Variants in ZSCAN30 observed in about 807,000 individuals in gnomAD.
ZSCAN30 encodes the protein zinc finger and SCAN domain-containing protein 30.
A neutral mutation model predicts 44.3 loss-of-function variants in ZSCAN30; 37 were observed. The ratio of observed to expected loss-of-function variants is 0.84; its 90% CI spans 0.64 to 1.10. ZSCAN30 has a LOEUF of 1.10. Among genes scored for constraint, ZSCAN30 ranks in the 50% least tolerant of loss-of-function variants. The pLI is 0.00. For missense variants in ZSCAN30, 549 were observed against 582.6 expected, an observed-to-expected ratio of 0.94 and a Z score of 0.59; for synonymous variants, 181 against 204.6, an observed-to-expected ratio of 0.88 and a Z score of 0.98.
rs941121247 is a variant in ZSCAN30 at position 35,253,456 on chromosome 18, T to A, written c.1479A>T (p.Arg493Ser). ...ACAACTCTTACCCACAGAGTTAAAC[T>A]CTGGTGTGTGTTCTCTGATGCTGCA... ...GLMQHQRTHTRV is the reference protein window; with the variant it reads ...GLMQHQRTHTSV The change falls in exon 4 of 4, where the codon AGA becomes AGT. Residue 493 changes from arginine (R) to serine (S), a missense_variant. Physicochemically the swap from Arg to Ser is moderately radical, Grantham distance 110. Transcript: ENST00000333206. 6.4e-7 allele frequency: 1 copy of A among 1,569,926 alleles called. No homozygotes were observed. The highest frequency in any genetic ancestry group is 8.7e-7 in the Non-Finnish European group (1 of 1,155,970).
rs995976962 is a variant in ZSCAN30, at chr18:35,251,214, A to G, written c.*2236T>C. Reference sequence around the variant, plus strand: ...GATTGGGAAAAATAAACACTAATAGAAAGTACTCCAAAATGTTAACAACGT... The same window carrying G: ...GATTGGGAAAAATAAACACTAATAGGAAGTACTCCAAAATGTTAACAACGT... On this transcript the variant is annotated 3_prime_UTR_variant, in exon 4 of 4. Transcript: ENST00000333206. 1.2e-4 allele frequency: 18 copies of G among 152,324 alleles called. No individual in the cohort carries two copies. Among genetic ancestry groups the G allele is most frequent in the Non-Finnish European group, 1.5e-4 (10 of 68,026 alleles). 9.4% of individuals were successfully genotyped at this position (152,324 alleles called of 1,614,324 possible). A position where few individuals can be genotyped will look rare whatever the true frequency, so the allele number is the denominator to read the frequency against.
chr18:35,286,195 C>T (rs2044546856), intron 1 of ZSCAN30, among the ~76,000 whole-genome samples: 1 of 151,986 alleles, frequency 6.6e-6, no homozygotes. Flanking sequence ...AATTTAAAAC[C>T]TTCCCACAAA....
Position 35,289,012 on chromosome 18 carries a change from G to A in ZSCAN30, c.-104+1072C>T, listed in dbSNP as rs150335121. ...AGACAAAGTCTCGCTTTGTCACCCA[G>A]GCTGGAGTGCAGTGGCGCAATCTCG... On this transcript the variant is annotated intron_variant, in intron 1 of 3. Coordinates refer to ENST00000333206, the MANE Select transcript of ZSCAN30 (RefSeq NM_001112734.4). Among the ~76,000 whole-genome samples the A allele has an allele frequency of 2.6e-3, 396 of 152,236 alleles. 2 individuals are homozygous for A. The highest frequency in any genetic ancestry group is 9.3e-3 in the African/African-American group (386 of 41,514).
chr18:35,271,119 T>C (rs2044264191), intron 1 of ZSCAN30, among the ~76,000 whole-genome samples: 1 of 152,158 alleles, frequency 6.6e-6, no homozygotes, highest in Non-Finnish European at 1.5e-5. Flanking sequence ...AGCAGCAAGA[T>C]TTATTGCAAA....
chr18:35,257,657 A>C (rs1245818060), intron 3 of ZSCAN30: 2 of 492,432 alleles, frequency 4.1e-6, no homozygotes, highest in East Asian at 6.8e-5. Context: ...TTGTTATAGC[A>C]GTCCTAACCG....
intron 3 of ZSCAN30, chr18:35,257,624 C>T: frequency 2.6e-6 from 1 of 392,104 alleles, no homozygotes; most frequent in Non-Finnish European, 4.6e-6. Flanking sequence ...GTGTTGTTTA[C>T]AAGCCACTCA....
intron 1 of ZSCAN30, chr18:35,281,181 T>G (rs1159603051): frequency 2.0e-5 from 3 of 152,208 alleles, no homozygotes; most frequent in Non-Finnish European, 4.4e-5. Context: ...GGTAGAATAT[T>G]GGTGGTGGCC....
At chr18:35,272,977 C>A (rs758308626) in intron 1 of ZSCAN30, among the ~76,000 whole-genome samples, 1 of 152,314 alleles carries the variant, frequency 6.6e-6, no homozygotes, top group Non-Finnish European at 1.5e-5. Context: ...AGGGAAACCA[C>A]CCCCATGATT....
chr18:35,254,334 C>T lies in ZSCAN30; in HGVS notation c.601G>A (p.Val201Ile). 6.2e-7 allele frequency: 1 copy of T among 1,613,920 alleles called. No individual in the cohort carries two copies. Among genetic ancestry groups the T allele is most frequent in the Non-Finnish European group, 8.5e-7 (1 of 1,179,772 alleles). The change falls in exon 4 of 4, where the codon GTT (valine) becomes ATT (isoleucine). Residue 201 changes from valine to isoleucine, a missense_variant. Transcript: ENST00000333206. ...ATAGCTGCTGAGGCTACACATTCAA[C>T]AATTTCTTGCTTTGCCATCAACACT... The part of the protein sequence containing the change: ...GKVLMAKQEI[V>I]ECVASAAMIS...
In ZSCAN30 at chr18:35,251,403, T is replaced by G. The variant is rs764470439; in HGVS notation, c.*2047A>C. The stretch of plus-strand genomic sequence containing the variant: ...GGCAACTCACTATCCATTTGAAAGA[T>G]CCCTTTAGACTTCTGATCGACCTCA... On this transcript the variant is annotated 3_prime_UTR_variant, in exon 4 of 4. Transcript: ENST00000333206. The G allele has an allele frequency of 1.3e-5, 2 of 152,160 alleles. No homozygotes were observed. Among genetic ancestry groups the G allele is most frequent in the Non-Finnish European group, 2.9e-5 (2 of 68,034 alleles). 9.4% of individuals were successfully genotyped at this position (152,160 alleles called of 1,614,324 possible).
At chr18:35,267,319 G>A (rs1319199358) in intron 1 of ZSCAN30, among the ~76,000 whole-genome samples, 1 of 152,220 alleles carries the variant, frequency 6.6e-6, no homozygotes, top group East Asian at 1.9e-4. Flanking sequence ...GGAAATGGAT[G>A]GCGGGACTGA....
chr18:35,254,152 G>A lies in ZSCAN30; in HGVS notation c.783C>T (p.Thr261=), dbSNP rs369803889. 9.9e-5 allele frequency: 160 copies of A among 1,614,136 alleles called. No individual in the cohort carries two copies. In the African/African-American group the frequency reaches 2.0e-3, roughly 20 times the overall value. The change falls in exon 4 of 4, where the codon ACC becomes ACT. Residue 261 remains threonine (T), a synonymous_variant. Coordinates refer to ENST00000333206, the MANE Select transcript of ZSCAN30 (RefSeq NM_001112734.4). ...GTTCTGTGGGGATTCTTCTGTTGAA[G>A]GTTGCCAGACTGAAATGTCTGTCCT... ...PSQDRHFSLA[T]FNRRIPTEHS...
rs191157321 is a variant in ZSCAN30, at chr18:35,277,076, A to G, written c.-103-12621T>C. ...AGAGCTTTAAGATTTGACTGCTCCA[A>G]TGGATTTCAGACTTGCATGGGGCCT... On this transcript the variant is annotated intron_variant, in intron 1 of 3. Transcript: ENST00000333206. Among the ~76,000 whole-genome samples, 131 of 152,298 alleles carry G rather than the reference A, an allele frequency of 8.6e-4. 1 individual carries two copies. The highest frequency in any genetic ancestry group is 2.6e-3 in the African/African-American group (110 of 41,570).
intron 1 of ZSCAN30, among the ~76,000 whole-genome samples, chr18:35,287,574 CAAAAAAAAAAA>C (rs59300208): frequency 1.1e-5 from 1 of 94,706 alleles, no homozygotes; most frequent in East Asian, 3.4e-4. Flanking sequence ...ATCCACATAC[CAAAAAAAAAAA>C]AAAAAAAAAA....
chr18:35,263,703 G>C (rs1348469408), intron 2 of ZSCAN30, 46 bp from the exon 3 acceptor site: 1 of 1,602,834 alleles, frequency 6.2e-7, no homozygotes. Context: ...GGATACACAA[G>C]CAGAAAACTC....
At chr18:35,277,461 T>G (rs1598648177) in intron 1 of ZSCAN30, among the ~76,000 whole-genome samples, 1 of 152,262 alleles carries the variant, frequency 6.6e-6, no homozygotes, top group African/African-American at 2.4e-5. Flanking sequence ...GGGAGGTAAT[T>G]GAATCATGGG....
At chr18:35,267,729 T>G (rs1410653794) in intron 1 of ZSCAN30, 3 of 150,846 alleles carry the variant, frequency 2.0e-5, no homozygotes, top group African/African-American at 7.3e-5. Context: ...TAATTATATA[T>G]TCTATATATT....
At chr18:35,263,048 C>A in intron 3 of ZSCAN30, 1 of 195,834 alleles carries the variant, frequency 5.1e-6, no homozygotes, top group Non-Finnish European at 1.1e-5. Context: ...CCAATGAAGC[C>A]AAAATTAAAT....
chr18:35,288,036 C>T lies in ZSCAN30; in HGVS notation c.-104+2048G>A, dbSNP rs185828794. ...CACAGGCACACACCACCACATCCGA[C>T]AATTTTTTGTATTCTGGGTGGAGAA... On this transcript the variant is annotated intron_variant, in intron 1 of 3. Transcript: ENST00000333206. 2.6e-5 allele frequency among the ~76,000 whole-genome samples: 4 copies of T among 152,210 alleles called. No homozygotes were observed. The East Asian group carries it at 7.7e-4, about 29-fold the overall frequency.
Sources: allele counts gnomAD v4.1 joint callset (sites outside exome capture counted in the v4.1 genomes callset), GRCh38; gene constraint gnomAD v4.1.1; transcripts MANE v1.5; gene names NCBI Gene and HGNC (gene_info 2026-07-23, HGNC 2026-07-21).